The following ANKRD33B variants were observed in gnomAD, a reference collection of about 807,000 sequenced individuals.
The protein encoded by ANKRD33B is ankyrin repeat domain 33B.
ANKRD33B carries 6 observed loss-of-function variants against 21.5 expected under a neutral mutation model. The ratio of observed to expected loss-of-function variants is 0.28; its 90% confidence interval spans 0.15 to 0.55. The LOEUF (loss-of-function observed/expected upper bound fraction) is 0.55, where lower values mean the gene tolerates loss of function less well. Among genes scored for constraint, ANKRD33B ranks in the 20% least tolerant of loss-of-function variants. ANKRD33B has a pLI of 0.94. For missense variants in ANKRD33B, 698 were observed against 747.2 expected, an observed-to-expected ratio of 0.93 and a Z score of 0.77; for synonymous variants, 347 against 342.4, an observed-to-expected ratio of 1.01 and a Z score of -0.15.
At chr5:10,611,253 A>G (rs1736165915) in intron 1 of ANKRD33B, among the ~76,000 whole-genome samples, 1 of 152,124 alleles carries the variant, frequency 6.6e-6, no homozygotes, top group Non-Finnish European at 1.5e-5. Context: ...CAAAATATTG[A>G]CCTTTGTTAA....
chr5:10,572,459 G>A lies in ANKRD33B; in HGVS notation c.366+7626G>A, dbSNP rs112789949. Among the ~76,000 whole-genome samples the A allele has an allele frequency of 5.7e-3, 863 of 152,218 alleles. 10 individuals are homozygous for A. Among genetic ancestry groups the A allele is most frequent in the Middle Eastern group, 0.02 (6 of 294 alleles). ...GCACAGAGCATCTCATTCTACCCTC[G>A]GAGCCCTGTGATGTGGATGTGGGTG... On this transcript the variant is annotated intron_variant, in intron 1 of 3. Transcript: ENST00000296657.
In ANKRD33B at chr5:10,577,476, C is replaced by T. The variant is rs375470178; in HGVS notation, c.366+12643C>T. Among the ~76,000 whole-genome samples, 3 of 152,320 alleles carry T rather than the reference C, an allele frequency of 2.0e-5. No individual in the cohort carries two copies. In the South Asian group the frequency reaches 6.2e-4, roughly 32 times the overall value. On this transcript the variant is annotated intron_variant, in intron 1 of 3. Transcript: ENST00000296657. ...CTGCAAAGACCCCTGGAGTCGGGGC[C>T]CATCCTGGGTCTTGCAGGGACTGAT...
At chr5:10,571,911 G>A (rs1317904237) in intron 1 of ANKRD33B, among the ~76,000 whole-genome samples, 2 of 134,858 alleles carry the variant, frequency 1.5e-5, no homozygotes, top group East Asian at 2.2e-4. Flanking sequence ...TTTTTGAGAC[G>A]GAGTTTTGCT....
intron 1 of ANKRD33B, among the ~76,000 whole-genome samples, chr5:10,599,041 G>A (rs1735877342): frequency 6.6e-6 from 1 of 152,174 alleles, no homozygotes; most frequent in South Asian, 2.1e-4. Context: ...ACCATAGTAA[G>A]TTTCCTCTTG....
intron 1 of ANKRD33B, among the ~76,000 whole-genome samples, chr5:10,592,944 T>TA (rs937814819): frequency 6.6e-6 from 1 of 152,182 alleles, no homozygotes; most frequent in African/African-American, 2.4e-5. Flanking sequence ...TAGTTTCTTA[T>TA]ATATGTTATT....
chr5:10,610,510 A>T (rs1185834119), intron 1 of ANKRD33B, among the ~76,000 whole-genome samples: 1 of 151,948 alleles, frequency 6.6e-6, no homozygotes, highest in Non-Finnish European at 1.5e-5. Flanking sequence ...GTGCATCAGG[A>T]GATACAGATC....
At chr5:10,635,640 G>A (rs922540088) in intron 2 of ANKRD33B, among the ~76,000 whole-genome samples, 5 of 152,228 alleles carry the variant, frequency 3.3e-5, no homozygotes, top group Non-Finnish European at 5.9e-5. Context: ...TGGCGAGCTT[G>A]CTCCTCAGGA....
At chr5:10,638,220 G>A in intron 3 of ANKRD33B, 52 bp downstream of exon 3, 1 of 1,518,994 alleles carries the variant, frequency 6.6e-7, no homozygotes, top group South Asian at 1.2e-5. Context: ...CACCAGAGTT[G>A]CTCCTTTATG....
chr5:10,598,750 T>A (rs1214248865), intron 1 of ANKRD33B, among the ~76,000 whole-genome samples: 1 of 152,140 alleles, frequency 6.6e-6, no homozygotes, highest in Admixed American at 6.6e-5. Context: ...CAATCATATT[T>A]TATGTTAATA....
chr5:10,624,888 C>G (rs1357028489), intron 2 of ANKRD33B: 6 of 444,660 alleles, frequency 1.3e-5, no homozygotes, highest in Non-Finnish European at 2.7e-5. Context: ...TTGAATAGGC[C>G]TGGGGTGGGG....
At position 10,653,498 on chromosome 5, in the gene ANKRD33B, G is replaced by T. The variant is rs999954002; in HGVS notation, c.*3385G>T. 1.3e-5 allele frequency: 2 copies of T among 152,506 alleles called. No individual in the cohort carries two copies. The highest frequency in any genetic ancestry group is 2.9e-5 in the Non-Finnish European group (2 of 68,184). The allele number at this position is 152,506 out of a possible 1,614,324, so 9.4% of individuals were successfully genotyped here. A position where few individuals can be genotyped will look rare whatever the true frequency, so the allele number is the denominator to read the frequency against. On this transcript the variant is annotated 3_prime_UTR_variant, in exon 4 of 4. Transcript: ENST00000296657. ...GGTGTCATGGGGTCAGTGTCAGGGT[G>T]ATCTGACGGGTCAGTTCATACTTAA...
At chr5:10,602,912 A>C (rs1375321462) in intron 1 of ANKRD33B, among the ~76,000 whole-genome samples, 1 of 151,474 alleles carries the variant, frequency 6.6e-6, no homozygotes, top group African/African-American at 2.4e-5. Flanking sequence ...TCCCAAACTC[A>C]AGCAATCCTC....
Position 10,650,823 on chromosome 5 carries a change from T to G in ANKRD33B, c.*710T>G, listed in dbSNP as rs1737335552. ...TGAGGAAAAACATATTGTCAAATTA[T>G]AAAACAATGGAGCGATAAACATGTA... is the stretch of plus-strand genomic sequence containing the variant. On this transcript the variant is annotated 3_prime_UTR_variant, in exon 4 of 4. Transcript: ENST00000296657. 1 of 152,400 alleles carries G rather than the reference T, an allele frequency of 6.6e-6. No individual in the cohort carries two copies. The highest frequency in any genetic ancestry group is 1.5e-5 in the Non-Finnish European group (1 of 68,042). The allele number at this position is 152,400 out of a possible 1,614,324, so 9.4% of individuals were successfully genotyped here. A position where few individuals can be genotyped will look rare whatever the true frequency, so the allele number is the denominator to read the frequency against.
chr5:10,649,013 T>C (rs7737244), intron 3 of ANKRD33B, among the ~76,000 whole-genome samples: 44,510 of 152,176 alleles, frequency 0.29, 6,483 homozygotes, highest in Non-Finnish European at 0.31. Flanking sequence ...CTCGGGAGGC[T>C]GACTTGGGGG....
intron 1 of ANKRD33B, among the ~76,000 whole-genome samples, chr5:10,609,961 CAAA>C (rs1412157990): frequency 1.3e-5 from 2 of 151,920 alleles, no homozygotes; most frequent in Admixed American, 1.3e-4. Flanking sequence ...GAGGAAAAGA[CAAA>C]GAAGCCAATG....
intron 1 of ANKRD33B, among the ~76,000 whole-genome samples, chr5:10,578,886 G>C (rs1265858445): frequency 6.6e-6 from 1 of 152,088 alleles, no homozygotes; most frequent in Non-Finnish European, 1.5e-5. Flanking sequence ...TCTTGGCTGG[G>C]CGCAGTGGCT....
At chr5:10,575,976 T>TAAACAC (rs1225325208) in intron 1 of ANKRD33B, among the ~76,000 whole-genome samples, 11 of 142,178 alleles carry the variant, frequency 7.7e-5, no homozygotes, top group African/African-American at 2.4e-4. Flanking sequence ...TAGATGGACG[T>TAAACAC]ATACACACAC....
chr5:10,620,572 T>C (rs1736399445), intron 2 of ANKRD33B, among the ~76,000 whole-genome samples: 1 of 152,188 alleles, frequency 6.6e-6, no homozygotes, highest in Non-Finnish European at 1.5e-5. Context: ...CCAGAGCTCT[T>C]TGTGCGTTAG....
At position 10,591,194 on chromosome 5, in the gene ANKRD33B, G is replaced by GTTTTTTTTTTTT. The variant is rs749837253; in HGVS notation, c.366+26361_366+26362insTTTTTTTTTTTT. ...AATAGTCATCTACATTTTTTTTAGT[G>GTTTTTTTTTTTT]GTTTTTTTTTTTTTTTGAGATGGAG... On this transcript the variant is annotated intron_variant, in intron 1 of 3. Coordinates refer to ENST00000296657, the MANE Select transcript of ANKRD33B (RefSeq NM_001164440.2). Among the ~76,000 whole-genome samples, 92 of 113,470 alleles carry GTTTTTTTTTTTT rather than the reference G, an allele frequency of 8.1e-4. 16 individuals are homozygous for GTTTTTTTTTTTT. The highest frequency in any genetic ancestry group is 6.5e-3 in the Middle Eastern group (1 of 154). 74.4% of individuals were successfully genotyped at this position (113,470 alleles called of 152,430 possible).
Sources: gnomAD v4.1 joint callset for allele counts (sites outside exome capture counted in the v4.1 genomes callset) on GRCh38, gnomAD v4.1.1 for gene constraint, MANE v1.5 for transcripts, NCBI Gene and HGNC (gene_info 2026-07-23, HGNC 2026-07-21) for gene names.